Variants in LMBR1 observed in about 807,000 individuals in gnomAD.
LMBR1 encodes limb development membrane protein 1.
A neutral mutation model predicts 73.9 loss-of-function variants in LMBR1; 52 were observed. That is an observed-to-expected ratio of 0.70 (90% CI 0.56 to 0.89). The LOEUF is 0.89. LMBR1 is among the 40% of genes least tolerant of loss of function. LMBR1 has a pLI of 0.00. For missense variants in LMBR1, 539 were observed against 579.8 expected, an observed-to-expected ratio of 0.93 and a Z score of 0.72; for synonymous variants, 215 against 209.4, an observed-to-expected ratio of 1.03 and a Z score of -0.23.
At chr7:156,714,691 T>C (rs1000654095) in intron 15 of LMBR1, among the ~76,000 whole-genome samples, 2 of 152,080 alleles carry the variant, frequency 1.3e-5, no homozygotes, top group Non-Finnish European at 2.9e-5. Context: ...AAATAACAAG[T>C]AGACTCTGAA....
chr7:156,844,455 G>GTT (rs893283945), intron 1 of LMBR1, among the ~76,000 whole-genome samples: 20 of 152,216 alleles, frequency 1.3e-4, no homozygotes, highest in African/African-American at 4.6e-4. Flanking sequence ...CTCTAAAGTT[G>GTT]TAAGTCTCTT....
At chr7:156,830,110 C>G (rs1836417163) in intron 3 of LMBR1, among the ~76,000 whole-genome samples, 1 of 152,148 alleles carries the variant, frequency 6.6e-6, no homozygotes, top group Non-Finnish European at 1.5e-5. Flanking sequence ...TATGACATTT[C>G]AAATTGATAA....
At chr7:156,885,822 G>T in intron 1 of LMBR1, among the ~76,000 whole-genome samples, 2 of 152,202 alleles carry the variant, frequency 1.3e-5, no homozygotes, top group South Asian at 4.1e-4. Context: ...AGGTTATCGT[G>T]AGCCGAGATT....
At chr7:156,676,644 C>T (rs199567420), downstream of LMBR1, 14 of 1,613,150 alleles carry the variant, frequency 8.7e-6, no homozygotes, top group African/African-American at 1.5e-4. Context: ...GAAGAAGATT[C>T]TTGAATGTTG....
chr7:156,863,433 G>A (rs1215683631), intron 1 of LMBR1, among the ~76,000 whole-genome samples: 1 of 151,794 alleles, frequency 6.6e-6, no homozygotes, highest in Non-Finnish European at 1.5e-5. Flanking sequence ...TGCCTTCCCA[G>A]CCCACTGACT....
chr7:156,677,516 C>T (rs1435323568), downstream of LMBR1, among the ~76,000 whole-genome samples: 3 of 152,092 alleles, frequency 2.0e-5, no homozygotes, highest in African/African-American at 4.8e-5. Flanking sequence ...CCAGGCCATG[C>T]TTGGGAGTGG....
intron 4 of LMBR1, among the ~76,000 whole-genome samples, chr7:156,818,650 A>G (rs955181598): frequency 2.6e-5 from 4 of 152,162 alleles, no homozygotes; most frequent in African/African-American, 9.7e-5. Context: ...TTCATTTGCA[A>G]TGGTGTGCAA....
At chr7:156,674,598 C>A (rs1186370589), downstream of LMBR1, among the ~76,000 whole-genome samples, 1 of 152,118 alleles carries the variant, frequency 6.6e-6, no homozygotes, top group Admixed American at 6.5e-5. Flanking sequence ...ATGGCTTGAG[C>A]CCGGGAGGCC....
intron 4 of LMBR1, among the ~76,000 whole-genome samples, chr7:156,820,971 C>A (rs1318912942): frequency 6.6e-6 from 1 of 152,194 alleles, no homozygotes; most frequent in Non-Finnish European, 1.5e-5. Context: ...GATGTTGGGG[C>A]AACGCCCTGC....
At chr7:156,806,956 T>C (rs565281958) in intron 4 of LMBR1, among the ~76,000 whole-genome samples, 13 of 152,254 alleles carry the variant, frequency 8.5e-5, no homozygotes, top group Non-Finnish European at 1.8e-4. Context: ...CAGGCCTACT[T>C]TGCTGAGAGA....
At chr7:156,865,109 C>G (rs779156107) in intron 1 of LMBR1, among the ~76,000 whole-genome samples, 1 of 151,652 alleles carries the variant, frequency 6.6e-6, no homozygotes, top group East Asian at 1.9e-4. Context: ...CAGTTCAAGA[C>G]CAGCCTGGGC....
chr7:156,789,708 T>G (rs2133298238), intron 5 of LMBR1, among the ~76,000 whole-genome samples: 1 of 152,338 alleles, frequency 6.6e-6, no homozygotes, highest in Non-Finnish European at 1.5e-5. Flanking sequence ...GCTCTTGTCC[T>G]GCAGGCCTGT....
chr7:156,747,282 T>C (rs982264718), intron 9 of LMBR1, among the ~76,000 whole-genome samples: 2 of 152,158 alleles, frequency 1.3e-5, no homozygotes, highest in African/African-American at 4.8e-5. Flanking sequence ...CACCCGTCTC[T>C]TTGGATTCAG....
downstream of LMBR1, chr7:156,676,224 A>C: frequency 6.7e-7 from 1 of 1,501,574 alleles, no homozygotes; most frequent in Non-Finnish European, 8.9e-7. Context: ...AGTTCCCAGG[A>C]GTAACAGAGT....
At chr7:156,829,295 A>G (rs751843080) in intron 3 of LMBR1, among the ~76,000 whole-genome samples, 2 of 152,202 alleles carry the variant, frequency 1.3e-5, no homozygotes, top group African/African-American at 4.8e-5. Context: ...TATGGTTTGG[A>G]TATCTGTCCC....
chr7:156,746,920 T>C (rs1819957643), intron 9 of LMBR1, among the ~76,000 whole-genome samples: 1 of 152,174 alleles, frequency 6.6e-6, no homozygotes, highest in Non-Finnish European at 1.5e-5. Flanking sequence ...ATGTCCAGTG[T>C]CAGCATTGTC....
At chr7:156,855,039 A>C (rs1796750431) in intron 1 of LMBR1, among the ~76,000 whole-genome samples, 1 of 152,228 alleles carries the variant, frequency 6.6e-6, no homozygotes, top group African/African-American at 2.4e-5. Context: ...CAAAATACGA[A>C]GCATGCTCAA....
intron 15 of LMBR1, 35 bp downstream of exon 15, chr7:156,724,077 G>A: frequency 6.6e-7 from 1 of 1,515,096 alleles, no homozygotes; most frequent in African/African-American, 1.4e-5. Flanking sequence ...TTAAAAACAT[G>A]GATCTTTAAG....
chr7:156,815,071 G>T (rs982380096), intron 4 of LMBR1, among the ~76,000 whole-genome samples: 1 of 148,320 alleles, frequency 6.7e-6, no homozygotes, highest in Non-Finnish European at 1.5e-5. Context: ...CAGGAGAATC[G>T]CTTGAACCTG....
Sources: gnomAD v4.1 joint callset for allele counts (sites outside exome capture counted in the v4.1 genomes callset) on GRCh38, gnomAD v4.1.1 for gene constraint, MANE v1.5 for transcripts, NCBI Gene and HGNC (gene_info 2026-07-23, HGNC 2026-07-21) for gene names.